Variants in AIRE observed in about 807,000 individuals in gnomAD.
AIRE encodes the protein autoimmune regulator, also known as autoimmune polyendocrinopathy candidiasis ectodermal dystrophy protein.
Under a neutral mutation model 62.1 loss-of-function variants are expected in AIRE, and 52 were observed. That is an observed-to-expected ratio of 0.84 (90% CI 0.67 to 1.06). AIRE has a LOEUF of 1.06. AIRE is among the 50% of genes least tolerant of loss of function. The probability of loss-of-function intolerance (pLI) is 0.00; values close to 1 mark genes in which losing one functional copy is unlikely to be tolerated. For synonymous variants in AIRE, 342 were observed against 321.6 expected, an observed-to-expected ratio of 1.06 and a Z score of -0.68; for missense variants, 774 against 755.8, an observed-to-expected ratio of 1.02 and a Z score of -0.28.
At chr21:44,296,297 C>A in intron 12 of AIRE, 86 bp from the exon 13 acceptor site, 1 of 1,219,080 alleles carries the variant, frequency 8.2e-7, no homozygotes, top group South Asian at 1.2e-5. Flanking sequence ...GGGGAAACAC[C>A]CCCGCGGCCC....
At chr21:44,292,842 G>A (rs372135453) in intron 9 of AIRE, 151 bp from the exon 10 acceptor site, 183 of 660,056 alleles carry the variant, frequency 2.8e-4, no homozygotes, top group East Asian at 1.8e-3. Flanking sequence ...CAGTGTGGAC[G>A]CCTTCCACCA....
chr21:44,288,430 G>A lies in AIRE; in HGVS notation c.624G>A (p.Gly208=), dbSNP rs769510002. ...DVPGARGAVE[G]ILIQQVFESG... ...CGGGAGCCCGAGGGGCCGTGGAGGG[G>A]ATCCTCATCCAGCAGGTGTTTGAGT... The change falls in exon 5 of 14, where the codon GGG becomes GGA. Residue 208 remains glycine, a synonymous_variant. Transcript: ENST00000291582. The A allele has an allele frequency of 6.2e-6, 10 of 1,610,842 alleles. No homozygotes were observed. The highest frequency in any genetic ancestry group is 8.5e-6 in the Non-Finnish European group (10 of 1,177,818).
chr21:44,289,916 G>A lies in AIRE; in HGVS notation c.799-72G>A, dbSNP rs369418977. The A allele has an allele frequency of 6.9e-5, 111 of 1,598,802 alleles. No individual in the cohort carries two copies. In the African/African-American group the frequency reaches 9.0e-4, roughly 13 times the overall value. ...GGGCTGGGGGCTGCTGCCGAGAGACGCCTGGTGCCACAGCCATGTGCACCC... is the reference window on the plus strand; with the variant it reads ...GGGCTGGGGGCTGCTGCCGAGAGACACCTGGTGCCACAGCCATGTGCACCC... On this transcript the variant is annotated intron_variant, in intron 6 of 13. Transcript: ENST00000291582.
At position 44,286,111 on chromosome 21, in the gene AIRE, C is replaced by A; in HGVS notation, c.105C>A (p.His35Gln). 6 of 1,547,070 alleles carry A rather than the reference C, an allele frequency of 3.9e-6. No individual in the cohort carries two copies. Among genetic ancestry groups the A allele is most frequent in the Non-Finnish European group, 5.2e-6 (6 of 1,146,530 alleles). The change falls in exon 1 of 14, where the codon CAC (histidine) becomes CAA (glutamine). Residue 35 changes from histidine (H) to glutamine (Q), a missense_variant. His to Gln is a conservative substitution (Grantham distance 24). Coordinates refer to ENST00000291582, the MANE Select transcript of AIRE (RefSeq NM_000383.4). This position sits in a 1 kb window ranked among gnomAD's most constrained non-coding sequence, Gnocchi z 6.0. ...AFPLLHALAD[H>Q]DVVPEDKFQE... ...CACTGCTGCACGCGCTGGCTGACCACGACGTGGTCCCCGAGGACAAGTTTC... is the reference window on the plus strand; with the variant it reads ...CACTGCTGCACGCGCTGGCTGACCAAGACGTGGTCCCCGAGGACAAGTTTC...
intron 9 of AIRE, 89 bp from the exon 10 acceptor site, chr21:44,292,904 C>T (rs1601968930): frequency 3.8e-6 from 5 of 1,323,134 alleles, no homozygotes; most frequent in Non-Finnish European, 5.4e-6. Flanking sequence ...CCCTGCTGCC[C>T]TGGGTTTCAG....
In AIRE at chr21:44,292,163, C is replaced by G. The variant is rs1005912457; in HGVS notation, c.996-139C>G. On this transcript the variant is annotated intron_variant, in intron 8 of 13. Transcript: ENST00000291582. ...TGCTGGGCTCTCCCTTCCTGTGTCT[C>G]TGCCCATCTCTCTGCTGTGCCTCGG... is the stretch of plus-strand genomic sequence containing the variant. 6.6e-6 allele frequency: 5 copies of G among 752,822 alleles called. No homozygotes were observed. In the African/African-American group the frequency reaches 8.6e-5, roughly 13 times the overall value. 46.6% of individuals were successfully genotyped at this position (752,822 alleles called of 1,614,324 possible). A position where few individuals can be genotyped will look rare whatever the true frequency, so the allele number is the denominator to read the frequency against.
At position 44,289,805 on chromosome 21, in the gene AIRE, A is replaced by G. The variant is rs764971246; in HGVS notation, c.798+3A>G. On this transcript the variant is annotated splice_donor_region_variant and intron_variant, in intron 6 of 13. Coordinates refer to ENST00000291582, the MANE Select transcript of AIRE (RefSeq NM_000383.4). ...AGGGAGCCCAGGGCGCTGCCCCCGT[A>G]AGCACCTGACCTTCCCTGGGGAGCC... The G allele has an allele frequency of 6.2e-7, 1 of 1,612,444 alleles. No homozygotes were observed. The highest frequency in any genetic ancestry group is 1.1e-5 in the South Asian group (1 of 91,082).
At position 44,287,892 on chromosome 21, in the gene AIRE, C is replaced by T. The variant is rs2040499419; in HGVS notation, c.538+301C>T. Among the ~76,000 whole-genome samples, 1 of 152,114 alleles carries T rather than the reference C, an allele frequency of 6.6e-6. No individual in the cohort carries two copies. The highest frequency in any genetic ancestry group is 2.1e-4 in the South Asian group (1 of 4,822). On this transcript the variant is annotated intron_variant, in intron 4 of 13. Coordinates refer to ENST00000291582, the MANE Select transcript of AIRE (RefSeq NM_000383.4). This position sits in a 1 kb window ranked among gnomAD's most constrained non-coding sequence, Gnocchi z 4.3. ...AGGACCAGCCTAGACATAGCTTCCT[C>T]CAGAAAATCATCCCTGGCCCCCAGC...
In AIRE at chr21:44,293,769, C is replaced by G; in HGVS notation, c.1279-20C>G. ...TTTCCCCCGGCCCCCCGCGTCACCC[C>G]GCGCTGTTGCCTCCCACAGAACCTG... is the stretch of plus-strand genomic sequence containing the variant. On this transcript the variant is annotated intron_variant, in intron 10 of 13. Coordinates refer to ENST00000291582, the MANE Select transcript of AIRE (RefSeq NM_000383.4). 3 of 1,595,792 alleles carry G rather than the reference C, an allele frequency of 1.9e-6. No homozygotes were observed. Among genetic ancestry groups the G allele is most frequent in the Non-Finnish European group, 2.5e-6 (3 of 1,179,422 alleles).
Position 44,288,396 on chromosome 21 carries a change from G to A in AIRE, c.590G>A (p.Gly197Glu). 6.2e-7 allele frequency: 1 copy of A among 1,612,776 alleles called. No individual in the cohort carries two copies. The highest frequency in any genetic ancestry group is 8.5e-7 in the Non-Finnish European group (1 of 1,179,670). The change falls in exon 5 of 14, where the codon GGG becomes GAG. Residue 197 changes from glycine to glutamate, a missense_variant. Physicochemically the swap from Gly to Glu is moderately conservative, Grantham distance 98. Coordinates refer to ENST00000291582, the MANE Select transcript of AIRE (RefSeq NM_000383.4). ...SVQRAVAMSS[G>E]DVPGARGAVE... is the part of the protein sequence containing the mutation. ...CAGAGAGCTGTGGCCATGTCCTCCG[G>A]GGACGTCCCGGGAGCCCGAGGGGCC... is the stretch of plus-strand genomic sequence containing the variant.
chr21:44,297,511 C>T lies in AIRE; in HGVS notation c.1567-145C>T, dbSNP rs940699914. 8.7e-5 allele frequency: 66 copies of T among 761,058 alleles called. No individual in the cohort carries two copies. The highest frequency in any genetic ancestry group is 4.8e-4 in the South Asian group (33 of 68,126). 47.1% of individuals were successfully genotyped at this position (761,058 alleles called of 1,614,324 possible). ...CAGGACAGGGTCCTCCCCAGACTGG[C>T]CTGTGCCATGGGGCCTCGGGCCTCA... On this transcript the variant is annotated intron_variant, in intron 13 of 13. Coordinates refer to ENST00000291582, the MANE Select transcript of AIRE (RefSeq NM_000383.4). This position sits in a 1 kb window ranked among gnomAD's most constrained non-coding sequence, Gnocchi z 4.8.
rs77919387 is a variant in AIRE, at chr21:44,297,173, G to C, written c.1567-483G>C. On this transcript the variant is annotated intron_variant, in intron 13 of 13. Transcript: ENST00000291582. This position sits in a 1 kb window ranked among gnomAD's most constrained non-coding sequence, Gnocchi z 4.8. ...AGCTGCCCCTCTGGATGGGGTCCCCGGGTATAGCTGGAGAAATGAGCGACG... is the reference window on the plus strand; with the variant it reads ...AGCTGCCCCTCTGGATGGGGTCCCCCGGTATAGCTGGAGAAATGAGCGACG... Among the ~76,000 whole-genome samples the C allele has an allele frequency of 6.6e-6, 1 of 152,208 alleles. No individual in the cohort carries two copies. Among genetic ancestry groups the C allele is most frequent in the Admixed American group, 6.5e-5 (1 of 15,282 alleles).
rs572126327 is a variant in AIRE, at chr21:44,288,561, G to T, written c.652+103G>T. ...ATCCTGGTGGTCCCACAGCAGACCG[G>T]ACTGTTGCTCAGGTAGCCAGAGTTT... On this transcript the variant is annotated intron_variant, in intron 5 of 13. Transcript: ENST00000291582. The T allele has an allele frequency of 3.6e-6, 3 of 838,332 alleles. No homozygotes were observed. The East Asian group carries it at 7.6e-5, about 21-fold the overall frequency. 51.9% of individuals were successfully genotyped at this position (838,332 alleles called of 1,614,324 possible). A position where few individuals can be genotyped will look rare whatever the true frequency, so the allele number is the denominator to read the frequency against.
rs746965561 is a variant in AIRE, at chr21:44,286,734, G to A, written c.307+3G>A. The A allele has an allele frequency of 5.0e-6, 8 of 1,612,726 alleles. No homozygotes were observed. The highest frequency in any genetic ancestry group is 6.8e-6 in the Non-Finnish European group (8 of 1,179,888). On this transcript the variant is annotated splice_donor_region_variant and intron_variant, in intron 2 of 13. Coordinates refer to ENST00000291582, the MANE Select transcript of AIRE (RefSeq NM_000383.4). This position sits in a 1 kb window ranked among gnomAD's most constrained non-coding sequence, Gnocchi z 6.0. ...CATCCTGGACAGCTTCCCCAAAGGT[G>A]GGTCCTGGTGGACTCAGCCATGCTG... is the stretch of plus-strand genomic sequence containing the variant.
In AIRE at chr21:44,286,764, CCT is replaced by C. The variant is rs1454718929; in HGVS notation, c.307+34_307+35del. On this transcript the variant is annotated intron_variant, in intron 2 of 13. Transcript: ENST00000291582. The surrounding 1 kb of genome is among the most constrained non-coding windows in gnomAD (Gnocchi z 6.0). ...CTGGTGGACTCAGCCATGCTGGGGG[CCT>C]GGGGCAGCTGCTGTCACCTGCTCAG... 1 of 1,609,318 alleles carries C rather than the reference CCT, an allele frequency of 6.2e-7. No individual in the cohort carries two copies. The highest frequency in any genetic ancestry group is 1.3e-5 in the African/African-American group (1 of 74,858).
In AIRE at chr21:44,293,929, C is replaced by T. The variant is rs368373038; in HGVS notation, c.1400+19C>T. The T allele has an allele frequency of 1.6e-5, 25 of 1,595,492 alleles. No homozygotes were observed. Among genetic ancestry groups the T allele is most frequent in the African/African-American group, 6.7e-5 (5 of 74,808 alleles). On this transcript the variant is annotated intron_variant, in intron 11 of 13. Coordinates refer to ENST00000291582, the MANE Select transcript of AIRE (RefSeq NM_000383.4). ...GGCCCGGGTGAGTGAGCGTGGTCGG[C>T]GGGGAGGCCTGAACCCACACCCACA...
At chr21:44,291,057 C>G in intron 7 of AIRE, 38 bp from the exon 8 acceptor site, 1 of 1,613,430 alleles carries the variant, frequency 6.2e-7, no homozygotes, top group Non-Finnish European at 8.5e-7. Context: ...GTGCTGCACC[C>G]CAGCCCAGTC....
rs1043959086 is a variant in AIRE, at chr21:44,296,819, G to A, written c.1566+374G>A. Among the ~76,000 whole-genome samples, 5 of 145,036 alleles carry A rather than the reference G, an allele frequency of 3.4e-5. No homozygotes were observed. The East Asian group carries it at 6.1e-4, about 18-fold the overall frequency. ...TCCACTTTCCCAGGGAGGGTGGGGCGTGGGAGTGGGGGGGGGGTCCCAGAC... is the reference window on the plus strand; with the variant it reads ...TCCACTTTCCCAGGGAGGGTGGGGCATGGGAGTGGGGGGGGGGTCCCAGAC... On this transcript the variant is annotated intron_variant, in intron 13 of 13. Transcript: ENST00000291582.
At chr21:44,290,886 C>G (rs751778017) in intron 7 of AIRE, 1 of 1,608,360 alleles carries the variant, frequency 6.2e-7, no homozygotes, top group East Asian at 2.2e-5. Context: ...ATAGGGATGG[C>G]CCCGGGGGGT....
Sources: allele counts gnomAD v4.1 joint callset (sites outside exome capture counted in the v4.1 genomes callset), GRCh38; gene constraint gnomAD v4.1.1; non-coding constraint Gnocchi (gnomAD v3.1); transcripts MANE v1.5; gene names NCBI Gene and HGNC (gene_info 2026-07-23, HGNC 2026-07-21).